The following CORO7 variants were observed in gnomAD, a reference collection of about 807,000 sequenced individuals.
The protein encoded by CORO7 is coronin 7.
Under a neutral mutation model 126.6 loss-of-function variants are expected in CORO7, and 107 were observed. That is an observed-to-expected ratio of 0.85 (90% CI 0.72 to 0.99). The LOEUF (loss-of-function observed/expected upper bound fraction) is 0.99, where lower values mean the gene tolerates loss of function less well. CORO7 is among the 50% of genes least tolerant of loss of function. CORO7 has a pLI of 0.00. For synonymous variants in CORO7, 603 were observed against 536.8 expected (o/e 1.12, Z -1.70); for missense variants, 1,314 against 1,255.8 (o/e 1.05, Z -0.70).
At chr16:4,399,090 A>C (rs2055707901) in intron 6 of CORO7, among the ~76,000 whole-genome samples, 1 of 152,226 alleles carries the variant, frequency 6.6e-6, no homozygotes. Flanking sequence ...GTTCCTCAAA[A>C]AATTAAAAAT....
chr16:4,371,638 C>T (rs930206291), intron 9 of CORO7, among the ~76,000 whole-genome samples: 5 of 152,246 alleles, frequency 3.3e-5, no homozygotes, highest in African/African-American at 1.2e-4. Context: ...TGCCCAGTGT[C>T]ATCCGGCAAA....
Position 4,354,926 on chromosome 16 carries a change from A to G in CORO7, c.*232T>C. The stretch of plus-strand genomic sequence containing the variant: ...CCCCCGCCACCCTGCACCCCTGGCC[A>G]CATGCTAGCGGGCAGCTGATGAGCA... On this transcript the variant is annotated 3_prime_UTR_variant, in exon 28 of 28. Coordinates refer to ENST00000251166, the MANE Select transcript of CORO7 (RefSeq NM_024535.5). 2.1e-6 allele frequency: 1 copy of G among 474,760 alleles called. No homozygotes were observed. The highest frequency in any genetic ancestry group is 5.7e-5 in the South Asian group (1 of 17,470). The allele number at this position is 474,760 out of a possible 1,614,324, so 29.4% of individuals were successfully genotyped here. A position where few individuals can be genotyped will look rare whatever the true frequency, so the allele number is the denominator to read the frequency against.
In CORO7 at chr16:4,360,455, C is replaced by G. The variant is rs369034202; in HGVS notation, c.2011G>C (p.Glu671Gln). The part of the protein sequence containing the change: ...VRVYRPRSGP[E>Q]PLQEGPGPKG... ...CCCTGTGTGCTCACCTGCAGGGGCT[C>G]AGGGCCACTCCGGGGCCTGTAGACC... The change falls in exon 20 of 28, where the codon GAG becomes CAG. Residue 671 changes from glutamate (E) to glutamine (Q), a missense_variant. Glu to Gln is a conservative substitution (Grantham distance 29, BLOSUM62 2). Coordinates refer to ENST00000251166, the MANE Select transcript of CORO7 (RefSeq NM_024535.5). 35 of 1,612,662 alleles carry G rather than the reference C, an allele frequency of 2.2e-5. No individual in the cohort carries two copies. In the Admixed American group the frequency reaches 2.8e-4, roughly 13 times the overall value.
chr16:4,408,599 C>T (rs2056097389), intron 3 of CORO7, among the ~76,000 whole-genome samples: 1 of 152,240 alleles, frequency 6.6e-6, no homozygotes, highest in African/African-American at 2.4e-5. Context: ...GGAAGGTCCC[C>T]AGGACTCAAC....
At chr16:4,386,754 C>A (rs886364525) in intron 9 of CORO7, among the ~76,000 whole-genome samples, 1 of 152,196 alleles carries the variant, frequency 6.6e-6, no homozygotes, top group Non-Finnish European at 1.5e-5. Context: ...TTGCCAGCTT[C>A]TCAGCCCCTC....
chr16:4,355,683 A>T (rs1199359180), intron 26 of CORO7: 7 of 294,814 alleles, frequency 2.4e-5, no homozygotes, highest in South Asian at 4.9e-5. Flanking sequence ...GTTAGCCAGG[A>T]TGGTCTCGAT....
In CORO7 at chr16:4,391,558, AAAAC is replaced by A. The variant is rs1054284433; in HGVS notation, c.616-2931_616-2928del. On this transcript the variant is annotated intron_variant, in intron 7 of 27. Transcript: ENST00000251166. ...GTGACAGAGCAAGACTCTATCTCAAAAAACAAACAAACAAACAACCCAACTAGCT... is the reference window on the plus strand; with the variant it reads ...GTGACAGAGCAAGACTCTATCTCAAAAAACAAACAAACAACCCAACTAGCT... 5.3e-5 allele frequency among the ~76,000 whole-genome samples: 8 copies of A among 152,084 alleles called. No homozygotes were observed. The East Asian group carries it at 1.2e-3, about 22-fold the overall frequency.
intron 4 of CORO7, 143 bp from the exon 5 acceptor site, chr16:4,407,827 C>T (rs534914868): frequency 8.3e-6 from 9 of 1,082,974 alleles, no homozygotes; most frequent in East Asian, 7.9e-5. Flanking sequence ...AGCGCCCACC[C>T]GCCTCAGCTT....
At chr16:4,370,563 G>T (rs1479429319) in intron 9 of CORO7, among the ~76,000 whole-genome samples, 1 of 152,214 alleles carries the variant, frequency 6.6e-6, no homozygotes, top group Admixed American at 6.5e-5. Context: ...ACAGAGGTCC[G>T]CAAGCCATGC....
intron 9 of CORO7, among the ~76,000 whole-genome samples, chr16:4,378,994 C>G (rs2054855691): frequency 6.6e-6 from 1 of 152,040 alleles, no homozygotes; most frequent in South Asian, 2.1e-4. Flanking sequence ...TCCTTCACCT[C>G]GAGCTACCCG....
At chr16:4,364,078 C>T (rs1485026336) in intron 14 of CORO7, among the ~76,000 whole-genome samples, 198 bp downstream of exon 14, 2 of 151,934 alleles carry the variant, frequency 1.3e-5, no homozygotes, top group Non-Finnish European at 2.9e-5. Context: ...CCCAGCTACT[C>T]GGGAGGCTGA....
chr16:4,368,311 C>T (rs1312404883), intron 9 of CORO7, among the ~76,000 whole-genome samples: 3 of 152,004 alleles, frequency 2.0e-5, no homozygotes, highest in Admixed American at 6.6e-5. Flanking sequence ...GGCACCAATG[C>T]ATTCCAGCCT....
intron 16 of CORO7, 56 bp downstream of exon 16, chr16:4,361,929 C>A (rs182234595): frequency 1.3e-6 from 2 of 1,553,286 alleles, no homozygotes; most frequent in African/African-American, 2.7e-5. Flanking sequence ...AGGCCCTCCG[C>A]GTCTTTGCCA....
intron 6 of CORO7, among the ~76,000 whole-genome samples, chr16:4,400,359 C>T (rs1480555529): frequency 6.6e-6 from 1 of 151,838 alleles, no homozygotes; most frequent in Non-Finnish European, 1.5e-5. Context: ...TTAGGCCAGG[C>T]ATGGTGGCTC....
In CORO7 at chr16:4,362,217, G is replaced by A. The variant is rs2054204433; in HGVS notation, c.1403-57C>T. The A allele has an allele frequency of 1.3e-6, 2 of 1,553,872 alleles. No individual in the cohort carries two copies. The highest frequency in any genetic ancestry group is 1.7e-6 in the Non-Finnish European group (2 of 1,149,596). Reference sequence around the variant, plus strand: ...TGAGGATGCCGTCCCCGCCCGCCCTGCACTCTTTGAGTCCCGGCTGCCCAC... The same window carrying A: ...TGAGGATGCCGTCCCCGCCCGCCCTACACTCTTTGAGTCCCGGCTGCCCAC... On this transcript the variant is annotated intron_variant, in intron 15 of 27. Coordinates refer to ENST00000251166, the MANE Select transcript of CORO7 (RefSeq NM_024535.5). The surrounding 1 kb of genome is among the most constrained non-coding windows in gnomAD (Gnocchi z 5.3).
chr16:4,398,281 A>G (rs2055673174), intron 6 of CORO7, among the ~76,000 whole-genome samples: 3 of 152,188 alleles, frequency 2.0e-5, no homozygotes, highest in African/African-American at 7.2e-5. Flanking sequence ...AAATATGTTC[A>G]ATATCACTAA....
Position 4,362,803 on chromosome 16 carries a change from A to G in CORO7, c.1276-65T>C. On this transcript the variant is annotated intron_variant, in intron 14 of 27. Transcript: ENST00000251166. The surrounding 1 kb of genome is among the most constrained non-coding windows in gnomAD (Gnocchi z 5.3). ...GTACTGGCCAAAAGGAGGGGGTGCC[A>G]GCGGACTCCAGGGTCACCACTCTGG... The G allele has an allele frequency of 7.8e-7, 1 of 1,279,608 alleles. No individual in the cohort carries two copies. Among genetic ancestry groups the G allele is most frequent in the Non-Finnish European group, 9.9e-7 (1 of 1,010,758 alleles). The allele number at this position is 1,279,608 out of a possible 1,614,324, so 79.3% of individuals were successfully genotyped here. A position where few individuals can be genotyped will look rare whatever the true frequency, so the allele number is the denominator to read the frequency against.
chr16:4,396,220 C>T (rs898760238), intron 6 of CORO7, among the ~76,000 whole-genome samples: 1 of 152,136 alleles, frequency 6.6e-6, no homozygotes, highest in African/African-American at 2.4e-5. Context: ...GCTGGGATTA[C>T]AGGCGCCCAC....
At chr16:4,381,102 G>A (rs751136720) in intron 9 of CORO7, 104 of 1,607,558 alleles carry the variant, frequency 6.5e-5, no homozygotes, top group Non-Finnish European at 7.2e-5. Flanking sequence ...TTGCCGGCCT[G>A]CCGGGCCTGC....
Sources: allele counts gnomAD v4.1 joint callset (sites outside exome capture counted in the v4.1 genomes callset), GRCh38; gene constraint gnomAD v4.1.1; non-coding constraint Gnocchi (gnomAD v3.1); transcripts MANE v1.5; gene names NCBI Gene and HGNC (gene_info 2026-07-23, HGNC 2026-07-21).